Variants in CFAP20DC observed in about 807,000 individuals in gnomAD.
CFAP20DC encodes the protein protein CFAP20DC.
In CFAP20DC, 84 loss-of-function variants were observed where a neutral mutation model predicts 101.7. The observed-to-expected ratio is 0.83, with a 90% CI of 0.69 to 0.99. The LOEUF is 0.99. Among genes scored for constraint, CFAP20DC ranks in the 50% least tolerant of loss-of-function variants. The probability of loss-of-function intolerance (pLI) is 0.00; values close to 1 mark genes in which losing one functional copy is unlikely to be tolerated. For synonymous variants in CFAP20DC, 359 were observed against 351.2 expected (o/e 1.02, Z -0.25); for missense variants, 1,007 against 970.3 (o/e 1.04, Z -0.50).
intron 15 of CFAP20DC, chr3:58,794,363 C>T (rs1457043185): frequency 2.2e-6 from 1 of 455,644 alleles, no homozygotes; most frequent in Non-Finnish European, 4.4e-6. Context: ...AAAGAGTCAA[C>T]AGAACAATAA....
intron 15 of CFAP20DC, among the ~76,000 whole-genome samples, chr3:58,804,364 CTTTTT>C (rs375391531): frequency 7.2e-6 from 1 of 138,374 alleles, no homozygotes. Flanking sequence ...CAAATTAGTT[CTTTTT>C]TTTTTTTTTT....
At chr3:59,040,483 A>G (rs751062968) in intron 3 of CFAP20DC, among the ~76,000 whole-genome samples, 4 of 152,024 alleles carry the variant, frequency 2.6e-5, no homozygotes, top group African/African-American at 9.7e-5. Context: ...TGCAATTTAC[A>G]AACATATTTT....
At chr3:59,045,887 G>A (rs865926156) in intron 3 of CFAP20DC, among the ~76,000 whole-genome samples, 5 of 151,992 alleles carry the variant, frequency 3.3e-5, no homozygotes, top group Non-Finnish European at 7.4e-5. Flanking sequence ...CTATTAGGAG[G>A]ATTAAAAGAG....
At chr3:58,999,069 G>A (rs1679730623) in intron 4 of CFAP20DC, among the ~76,000 whole-genome samples, 1 of 152,172 alleles carries the variant, frequency 6.6e-6, no homozygotes, top group South Asian at 2.1e-4. Flanking sequence ...GACATGAGAG[G>A]GAGATCCAGT....
intron 4 of CFAP20DC, among the ~76,000 whole-genome samples, chr3:58,986,272 T>C (rs1054938664): frequency 2.0e-5 from 3 of 152,126 alleles, no homozygotes; most frequent in African/African-American, 7.2e-5. Context: ...TATGTGTTTA[T>C]TGGGGGATGA....
intron 12 of CFAP20DC, among the ~76,000 whole-genome samples, chr3:58,857,773 T>C (rs2078951558): frequency 6.6e-6 from 1 of 152,110 alleles, no homozygotes; most frequent in Non-Finnish European, 1.5e-5. Flanking sequence ...AGAGAAGAAA[T>C]AAATGGAGAA....
chr3:58,853,782 C>G (rs1459072118), intron 12 of CFAP20DC, among the ~76,000 whole-genome samples: 1 of 152,170 alleles, frequency 6.6e-6, no homozygotes, highest in Non-Finnish European at 1.5e-5. Flanking sequence ...CAAAATTCAA[C>G]AACGCTTCAT....
chr3:58,936,787 C>T (rs962707637), intron 5 of CFAP20DC, among the ~76,000 whole-genome samples: 4 of 151,574 alleles, frequency 2.6e-5, no homozygotes, highest in Non-Finnish European at 5.9e-5. Context: ...GGTTAGGGGA[C>T]GGGGAGGGAT....
intron 13 of CFAP20DC, among the ~76,000 whole-genome samples, chr3:58,840,895 G>A (rs2077055671): frequency 6.6e-6 from 1 of 152,208 alleles, no homozygotes. Flanking sequence ...GTCCAAGGTT[G>A]CATAGATAAG....
chr3:58,744,897 T>G (rs2068089992), intron 16 of CFAP20DC, among the ~76,000 whole-genome samples: 1 of 152,184 alleles, frequency 6.6e-6, no homozygotes, highest in African/African-American at 2.4e-5. Flanking sequence ...TGAACTGTGC[T>G]TAGAACAGGG....
intron 14 of CFAP20DC, among the ~76,000 whole-genome samples, chr3:58,811,749 A>G (rs1268772514): frequency 1.3e-5 from 2 of 152,146 alleles, no homozygotes; most frequent in Non-Finnish European, 2.9e-5. Flanking sequence ...AAAAGAAACT[A>G]CCATCAGAGT....
intron 1 of CFAP20DC, among the ~76,000 whole-genome samples, chr3:59,049,103 G>A (rs897603373): frequency 3.3e-5 from 5 of 152,208 alleles, no homozygotes; most frequent in Admixed American, 2.6e-4. Flanking sequence ...AAAGCCTGAT[G>A]TACTCCAACG....
At chr3:58,731,149 T>C (rs569098122) in intron 3 of CFAP20DC, among the ~76,000 whole-genome samples, 1 of 152,386 alleles carries the variant, frequency 6.6e-6, no homozygotes, top group Admixed American at 6.5e-5. Context: ...TTTCCTTTCG[T>C]GGATGTGGCT....
chr3:58,728,308 A>T lies in CFAP20DC; in HGVS notation c.198-10680T>A, dbSNP rs79134278. ...AATACCTTTGGCTGTCCCATTGGGG[A>T]GGAAATTGGAAGAAGATTCACGTCC... On this transcript the variant is annotated intron_variant, in intron 3 of 3. Coordinates refer to the CFAP20DC transcript ENST00000486145. This position sits in a 1 kb window ranked among gnomAD's most constrained non-coding sequence, Gnocchi z 4.7. Among the ~76,000 whole-genome samples, 8,464 of 152,224 alleles carry T rather than the reference A, an allele frequency of 0.056. 519 individuals are homozygous for T. Among genetic ancestry groups the T allele is most frequent in the East Asian group, 0.35 (1,826 of 5,166 alleles).
At chr3:58,960,319 C>T (rs554148397) in intron 4 of CFAP20DC, among the ~76,000 whole-genome samples, 1 of 151,072 alleles carries the variant, frequency 6.6e-6, no homozygotes, top group Non-Finnish European at 1.5e-5. Context: ...ATGGAGAAAC[C>T]CCATCTCTAC....
chr3:58,856,316 A>ACACACACACACACACAC (rs1575966376), intron 12 of CFAP20DC, among the ~76,000 whole-genome samples: 1 of 132,052 alleles, frequency 7.6e-6, no homozygotes, highest in Non-Finnish European at 1.6e-5. Context: ...ACACACACAT[A>ACACACACACACACACAC]ACTGATGGAG....
chr3:58,930,812 G>A (rs1186316273), intron 5 of CFAP20DC, among the ~76,000 whole-genome samples: 1 of 152,322 alleles, frequency 6.6e-6, no homozygotes, highest in South Asian at 2.1e-4. Flanking sequence ...AATAGGAACA[G>A]CTCCGGTCTA....
At chr3:58,815,647 C>G (rs978770830) in intron 14 of CFAP20DC, among the ~76,000 whole-genome samples, 13 of 151,366 alleles carry the variant, frequency 8.6e-5, no homozygotes, top group Non-Finnish European at 1.3e-4. Flanking sequence ...ACAATGAACT[C>G]AAACAAATTT....
At chr3:58,747,342 C>T (rs974286007) in intron 16 of CFAP20DC, among the ~76,000 whole-genome samples, 11 of 152,082 alleles carry the variant, frequency 7.2e-5, no homozygotes, top group African/African-American at 2.7e-4. Context: ...TAGATCAGCT[C>T]GGGTAAATAA....
Sources: gnomAD v4.1 joint callset for allele counts (sites outside exome capture counted in the v4.1 genomes callset) on GRCh38, gnomAD v4.1.1 for gene constraint, Gnocchi (gnomAD v3.1) non-coding constraint, MANE v1.5 for transcripts, NCBI Gene and HGNC (gene_info 2026-07-23, HGNC 2026-07-21) for gene names.